Variants in CTNND2 observed in about 807,000 individuals in gnomAD.
CTNND2 encodes the protein catenin delta 2.
Under a neutral mutation model 144.4 loss-of-function variants are expected in CTNND2, and 22 were observed. That is an observed-to-expected ratio of 0.15 (90% CI 0.11 to 0.22). CTNND2 has a LOEUF of 0.22. Among genes scored for constraint, CTNND2 ranks in the 10% least tolerant of loss-of-function variants. The pLI, the probability that CTNND2 is intolerant of heterozygous loss-of-function variation, is 1.00. For synonymous variants in CTNND2, 751 were observed against 695.6 expected (o/e 1.08, Z -1.25); for missense variants, 1,353 against 1,618.8 (o/e 0.84, Z 2.82).
At chr5:11,835,237 T>C (rs992346532) in intron 1 of CTNND2, among the ~76,000 whole-genome samples, 5 of 152,252 alleles carry the variant, frequency 3.3e-5, no homozygotes, top group African/African-American at 1.2e-4. Context: ...GCATCTATAC[T>C]AATGAGGAGT....
At chr5:11,736,990 T>A (rs1787717047) in intron 1 of CTNND2, among the ~76,000 whole-genome samples, 2 of 152,024 alleles carry the variant, frequency 1.3e-5, no homozygotes. Flanking sequence ...GAATACTCAG[T>A]ATTCAATAAT....
intron 12 of CTNND2, among the ~76,000 whole-genome samples, chr5:11,121,633 TGCAACTAAAC>T (rs1561338006): frequency 2.6e-5 from 4 of 152,184 alleles, no homozygotes; most frequent in Admixed American, 6.5e-5. Flanking sequence ...TTTATTTTAA[TGCAACTAAAC>T]TGCTTCCTTT....
intron 1 of CTNND2, among the ~76,000 whole-genome samples, chr5:11,733,411 C>A (rs1043893768): frequency 1.1e-4 from 17 of 152,104 alleles, no homozygotes; most frequent in Non-Finnish European, 2.2e-4. Context: ...TGGGAAAAAA[C>A]CCACACATTT....
chr5:11,042,070 G>A (rs1744742143), intron 16 of CTNND2, among the ~76,000 whole-genome samples: 2 of 152,162 alleles, frequency 1.3e-5, no homozygotes, highest in South Asian at 4.1e-4. Context: ...AATAGAGAAA[G>A]CAGTCTTGGG....
rs1758893487 is a variant in CTNND2 at position 11,384,903 on chromosome 5, G to A, written c.939C>T (p.Thr313=). 6.2e-7 allele frequency: 1 copy of A among 1,609,130 alleles called. No homozygotes were observed. Among genetic ancestry groups the A allele is most frequent in the Admixed American group, 1.7e-5 (1 of 59,614 alleles). The stretch of plus-strand genomic sequence containing the variant: ...ACACGACGATGTTGATGGGCGAGCT[G>A]GTGCTGTAGGACTTGGCCAGGCGGC... ...SPSRLAKSYS[T]SSPINIVVSS... Residue 313 remains threonine (T), a synonymous_variant, in exon 7 of 22, where the codon ACC becomes ACT. Transcript: ENST00000304623. The surrounding 1 kb of genome is among the most constrained non-coding windows in gnomAD (Gnocchi z 5.2).
At position 11,353,033 on chromosome 5, in the gene CTNND2, G is replaced by A. The variant is rs528185460; in HGVS notation, c.1373-6406C>T. Among the ~76,000 whole-genome samples, 61 of 149,832 alleles carry A rather than the reference G, an allele frequency of 4.1e-4. 5 individuals are homozygous for A. The South Asian group carries it at 0.012, about 28-fold the overall frequency. ...TTATAGTGTGTGTAACTGGAGTCAC[G>A]ATGAATGATGAAGAGGATGATACAC... On this transcript the variant is annotated intron_variant, in intron 8 of 21. Coordinates refer to ENST00000304623, the MANE Select transcript of CTNND2 (RefSeq NM_001332.4).
Position 11,193,676 on chromosome 5 carries a change from G to A in CTNND2, c.1975+5772C>T, listed in dbSNP as rs935665833. On this transcript the variant is annotated intron_variant, in intron 11 of 21. Coordinates refer to ENST00000304623, the MANE Select transcript of CTNND2 (RefSeq NM_001332.4). ...ATCCCCAAAAAGTGCCATCAAGATA[G>A]AAGAAGAGCTTTCTTGACAAATTAC... 5.3e-5 allele frequency among the ~76,000 whole-genome samples: 8 copies of A among 152,134 alleles called. No homozygotes were observed. The East Asian group carries it at 1.2e-3, about 22-fold the overall frequency.
intron 20 of CTNND2, among the ~76,000 whole-genome samples, chr5:10,987,239 G>A (rs1237944243): frequency 6.6e-6 from 1 of 152,210 alleles, no homozygotes; most frequent in African/African-American, 2.4e-5. Flanking sequence ...GGGAGAGGGT[G>A]AGGTATGGAG....
intron 10 of CTNND2, among the ~76,000 whole-genome samples, chr5:11,214,740 C>A: frequency 6.6e-6 from 1 of 152,136 alleles, no homozygotes; most frequent in East Asian, 1.9e-4. Flanking sequence ...CTCACTTCGG[C>A]TTCCATTGCC....
chr5:11,826,873 A>G (rs1793630104), intron 1 of CTNND2, among the ~76,000 whole-genome samples: 1 of 152,062 alleles, frequency 6.6e-6, no homozygotes. Flanking sequence ...ATCCATAATT[A>G]TTGTTGGAGA....
At chr5:11,850,685 C>T (rs1020794194) in intron 1 of CTNND2, among the ~76,000 whole-genome samples, 1 of 152,196 alleles carries the variant, frequency 6.6e-6, no homozygotes, top group African/African-American at 2.4e-5. Flanking sequence ...AATCCAAAAT[C>T]ACAGCATTCG....
At chr5:11,075,017 G>A (rs2973524) in intron 16 of CTNND2, among the ~76,000 whole-genome samples, 28,057 of 151,492 alleles carry the variant, frequency 0.19, 5,018 homozygotes, top group East Asian at 0.58. Context: ...GTGGGGAAAG[G>A]AATAGCAATG....
At position 11,261,281 on chromosome 5, in the gene CTNND2, T is replaced by C. The variant is rs1013139625; in HGVS notation, c.1629-24458A>G. On this transcript the variant is annotated intron_variant, in intron 9 of 21. Coordinates refer to ENST00000304623, the MANE Select transcript of CTNND2 (RefSeq NM_001332.4). ...CTCTCATCGGTCTAGGCCAGATCTC[T>C]TGGTCTTGCCCCAAGACAAGGGGCA... 3.3e-5 allele frequency among the ~76,000 whole-genome samples: 5 copies of C among 152,316 alleles called. No homozygotes were observed. In the East Asian group the frequency reaches 9.7e-4, roughly 29 times the overall value.
intron 1 of CTNND2, among the ~76,000 whole-genome samples, chr5:11,849,646 T>C (rs984203281): frequency 1.3e-5 from 2 of 152,216 alleles, no homozygotes; most frequent in African/African-American, 2.4e-5. Flanking sequence ...GTATTCACTA[T>C]CTGTTAACAA....
chr5:11,745,404 G>A (rs1357535464), intron 1 of CTNND2, among the ~76,000 whole-genome samples: 1 of 152,098 alleles, frequency 6.6e-6, no homozygotes, highest in Non-Finnish European at 1.5e-5. Flanking sequence ...GAGGCTGAAG[G>A]CCACTGGCAT....
chr5:11,253,520 T>C (rs1197851486), intron 9 of CTNND2, among the ~76,000 whole-genome samples: 1 of 152,196 alleles, frequency 6.6e-6, no homozygotes, highest in Non-Finnish European at 1.5e-5. Context: ...CTCTCTTGCC[T>C]GCTGCCATGT....
chr5:11,499,542 T>C (rs1770339174), intron 3 of CTNND2, among the ~76,000 whole-genome samples: 1 of 152,236 alleles, frequency 6.6e-6, no homozygotes, highest in Non-Finnish European at 1.5e-5. Context: ...CTATCCTTCG[T>C]TTTTGGCTGA....
At chr5:11,117,390 G>T in intron 13 of CTNND2, 60 bp downstream of exon 13, 1 of 1,307,434 alleles carries the variant, frequency 7.6e-7, no homozygotes, top group Non-Finnish European at 1.1e-6. Flanking sequence ...GTTAGCTATT[G>T]TTGAGTCCCG....
At chr5:11,777,763 C>T (rs73743234) in intron 1 of CTNND2, among the ~76,000 whole-genome samples, 2,699 of 152,220 alleles carry the variant, frequency 0.018, 89 homozygotes, top group African/African-American at 0.062. Flanking sequence ...TGTCAAATTT[C>T]CCCTGGAGAA....
Sources: allele counts gnomAD v4.1 joint callset (sites outside exome capture counted in the v4.1 genomes callset), GRCh38; gene constraint gnomAD v4.1.1; non-coding constraint Gnocchi (gnomAD v3.1); transcripts MANE v1.5; gene names NCBI Gene and HGNC (gene_info 2026-07-23, HGNC 2026-07-21).